BIRC6: variants seen among roughly 807,000 people sequenced by gnomAD.
BIRC6 encodes the protein baculoviral IAP repeat containing 6, also known as dual E2 ubiquitin-conjugating enzyme/E3 ubiquitin-protein ligase BIRC6.
A neutral mutation model predicts 503.3 loss-of-function variants in BIRC6; 98 were observed. The ratio of observed to expected loss-of-function variants is 0.19; its 90% CI spans 0.17 to 0.23. The LOEUF is 0.23. BIRC6 is among the 10% of genes least tolerant of loss of function. The pLI is 1.00. For missense variants in BIRC6, 5,360 were observed against 5,806.0 expected, an observed-to-expected ratio of 0.92 and a Z score of 2.50; for synonymous variants, 2,240 against 2,078.7, an observed-to-expected ratio of 1.08 and a Z score of -2.11.
chr2:32,550,564 G>A (rs1365461908), intron 65 of BIRC6, among the ~76,000 whole-genome samples: 1 of 151,770 alleles, frequency 6.6e-6, no homozygotes, highest in Non-Finnish European at 1.5e-5. Context: ...TTTAATTTTA[G>A]ATTATATAGA....
At chr2:32,601,131 A>G (rs563811455) in intron 70 of BIRC6, among the ~76,000 whole-genome samples, 20 of 152,396 alleles carry the variant, frequency 1.3e-4, no homozygotes, top group African/African-American at 4.6e-4. Context: ...GTCAAATGGT[A>G]TATGTATGAC....
At chr2:32,448,473 A>G (rs1442747046) in intron 21 of BIRC6, among the ~76,000 whole-genome samples, 1 of 151,288 alleles carries the variant, frequency 6.6e-6, no homozygotes, top group South Asian at 2.1e-4. Flanking sequence ...ACACAGCAAA[A>G]CCCCGTCTCC....
At chr2:32,492,388 AAAAT>A (rs1558880256) in intron 44 of BIRC6, among the ~76,000 whole-genome samples, 1 of 152,110 alleles carries the variant, frequency 6.6e-6, no homozygotes, top group Non-Finnish European at 1.5e-5. Flanking sequence ...AGATCTTAAT[AAAAT>A]AAATGAGACA....
chr2:32,359,845 A>G (rs1298486191), intron 1 of BIRC6, among the ~76,000 whole-genome samples: 1 of 152,168 alleles, frequency 6.6e-6, no homozygotes, highest in Admixed American at 6.6e-5. Flanking sequence ...CTGGTATTAC[A>G]GGCATGAGCT....
chr2:32,593,767 C>T (rs1573252542), intron 66 of BIRC6, 148 bp from the exon 67 acceptor site: 1 of 588,738 alleles, frequency 1.7e-6, no homozygotes, highest in Non-Finnish European at 2.8e-6. Flanking sequence ...CATAACTTTA[C>T]TAGCCAGTGG....
In BIRC6 at chr2:32,592,121, C is replaced by T. The variant is rs553199077; in HGVS notation, c.13356-1794C>T. Among the ~76,000 whole-genome samples the T allele has an allele frequency of 2.6e-5, 4 of 152,304 alleles. No homozygotes were observed. The East Asian group carries it at 7.7e-4, about 29-fold the overall frequency. The stretch of plus-strand genomic sequence containing the variant: ...TCAGTCTTCAGACGTACACTATACT[C>T]TCCTTATATATGCAAAAACATATAT... On this transcript the variant is annotated intron_variant, in intron 66 of 73. Transcript: ENST00000421745.
At chr2:32,474,897 A>G (rs1486773255) in intron 33 of BIRC6, among the ~76,000 whole-genome samples, 1 of 152,054 alleles carries the variant, frequency 6.6e-6, no homozygotes, top group Non-Finnish European at 1.5e-5. Flanking sequence ...AGCCAAGTGG[A>G]TTTTTAAAAA....
intron 70 of BIRC6, among the ~76,000 whole-genome samples, chr2:32,601,974 G>A (rs1393230194): frequency 6.6e-6 from 1 of 152,014 alleles, no homozygotes; most frequent in Non-Finnish European, 1.5e-5. Context: ...AAGCTATTTT[G>A]CATTTTCAGA....
chr2:32,502,749 T>C (rs1572659624), intron 47 of BIRC6, 46 bp from the exon 48 acceptor site: 4 of 1,434,740 alleles, frequency 2.8e-6, no homozygotes, highest in Non-Finnish European at 3.8e-6. Context: ...TTAGTTCTTA[T>C]TCACAGGAAT....
intron 40 of BIRC6, among the ~76,000 whole-genome samples, chr2:32,485,980 T>C (rs1456009945): frequency 6.6e-6 from 1 of 152,214 alleles, no homozygotes; most frequent in African/African-American, 2.4e-5. Context: ...CATGTAGTGC[T>C]GTCAGTTCAG....
chr2:32,533,703 A>G (rs1430923078), intron 61 of BIRC6, among the ~76,000 whole-genome samples: 1 of 152,156 alleles, frequency 6.6e-6, no homozygotes, highest in Non-Finnish European at 1.5e-5. Context: ...AATAGAGGAT[A>G]TGATGTGATG....
chr2:32,483,351 CAGAATGTTTCAAGTTAAATGCGG>C (rs2050631631), intron 39 of BIRC6, among the ~76,000 whole-genome samples: 1 of 152,220 alleles, frequency 6.6e-6, no homozygotes, highest in African/African-American at 2.4e-5. Context: ...ACACATTTAC[CAGAATGTTTCAAGTTAAATGCGG>C]AGAATGTTTA....
intron 24 of BIRC6, among the ~76,000 whole-genome samples, chr2:32,464,121 A>C (rs1460228717): frequency 6.6e-6 from 1 of 152,192 alleles, no homozygotes; most frequent in East Asian, 1.9e-4. Flanking sequence ...CTGGTGTCAA[A>C]AAGGTTGAGG....
intron 66 of BIRC6, among the ~76,000 whole-genome samples, chr2:32,575,607 A>G (rs1261484539): frequency 6.6e-6 from 1 of 152,060 alleles, no homozygotes; most frequent in Admixed American, 6.5e-5. Context: ...TACTAAAAAT[A>G]CCAAAAAATT....
At chr2:32,518,989 T>A in intron 57 of BIRC6, 43 bp downstream of exon 57, 2 of 1,558,594 alleles carry the variant, frequency 1.3e-6, no homozygotes, top group African/African-American at 2.7e-5. Flanking sequence ...ACTTTATGTT[T>A]GATGTATATG....
intron 6 of BIRC6, among the ~76,000 whole-genome samples, chr2:32,399,702 C>T (rs1027376955): frequency 1.3e-5 from 2 of 152,116 alleles, no homozygotes; most frequent in Non-Finnish European, 2.9e-5. Context: ...ATCCTGCTTA[C>T]AATATTTGAG....
Position 32,597,920 on chromosome 2 carries a change from C to T in BIRC6, c.13782C>T (p.Ser4594=). 6.2e-7 allele frequency: 1 copy of T among 1,613,690 alleles called. No homozygotes were observed. The highest frequency in any genetic ancestry group is 8.5e-7 in the Non-Finnish European group (1 of 1,179,866). ...TLSTSLPLSS[S]SSVFVRCDEE... ...CAACCTCACTGCCTCTGTCTTCATC[C>T]TCTAGTGTGTTTGTACGCTGTGATG... The change falls in exon 69 of 74, where the codon TCC becomes TCT. Residue 4594 remains serine, a synonymous_variant. Coordinates refer to ENST00000421745, the MANE Select transcript of BIRC6 (RefSeq NM_016252.4).
At position 32,442,439 on chromosome 2, in the gene BIRC6, C is replaced by A; in HGVS notation, c.4222C>A (p.Leu1408Ile). The change falls in exon 19 of 74, where the codon CTA (leucine) becomes ATA (isoleucine). Residue 1408 changes from leucine to isoleucine, a missense_variant. By Grantham distance (5) the Leu-to-Ile change is conservative. Around this residue, in one of 16 missense-constraint regions of BIRC6, gnomAD observed 2,299 missense variants for 2,267.2 expected, o/e 1.01. Transcript: ENST00000421745. ...TATAGCCCATAAGTGTGCCCGATTT[C>A]TAGCCTTGTGCATTAGGTTGGTATG... ...RSIAHKCARFLALCISNGKCD... is the reference protein window; with the variant it reads ...RSIAHKCARFIALCISNGKCD... 6.2e-7 allele frequency: 1 copy of A among 1,606,474 alleles called. No individual in the cohort carries two copies. The highest frequency in any genetic ancestry group is 8.5e-7 in the Non-Finnish European group (1 of 1,176,408).
chr2:32,452,683 C>A (rs1056424864), intron 22 of BIRC6, among the ~76,000 whole-genome samples: 5 of 152,026 alleles, frequency 3.3e-5, no homozygotes, highest in Admixed American at 6.6e-5. Context: ...ATTTTATTAT[C>A]CCATAACTTA....
Sources: gnomAD v4.1 joint callset for allele counts (sites outside exome capture counted in the v4.1 genomes callset) on GRCh38, gnomAD v4.1.1 for gene constraint, gnomAD v4.1.1 regional missense constraint, MANE v1.5 for transcripts, NCBI Gene and HGNC (gene_info 2026-07-23, HGNC 2026-07-21) for gene names.